The following ADAMDEC1 variants were observed in gnomAD, a reference collection of about 807,000 sequenced individuals.
ADAMDEC1 encodes ADAM like decysin 1, also known as ADAM DEC1.
Under a neutral mutation model 60.4 loss-of-function variants are expected in ADAMDEC1, and 62 were observed. The ratio of observed to expected loss-of-function variants is 1.03; its 90% CI spans 0.84 to 1.27. The LOEUF is 1.27. ADAMDEC1 is among the 50% of genes most tolerant of loss of function. ADAMDEC1 has a pLI of 0.00. For synonymous variants in ADAMDEC1, 210 were observed against 195.1 expected, an observed-to-expected ratio of 1.08 and a Z score of -0.64; for missense variants, 595 against 565.0, an observed-to-expected ratio of 1.05 and a Z score of -0.54.
chr8:24,401,780 A>C, intron 11 of ADAMDEC1, 135 bp from the exon 12 acceptor site: 1 of 771,284 alleles, frequency 1.3e-6, no homozygotes, highest in South Asian at 2.1e-5. Context: ...ATGGTTGCCA[A>C]ATTTGGAATT....
At chr8:24,397,961 T>C (rs1817659390) in intron 7 of ADAMDEC1, among the ~76,000 whole-genome samples, 1 of 152,046 alleles carries the variant, frequency 6.6e-6, no homozygotes. Context: ...ATATACTTAA[T>C]ACCAGATAGC....
Position 24,399,401 on chromosome 8 carries a change from G to C in ADAMDEC1, c.938G>C (p.Ser313Thr), listed in dbSNP as rs1204628674. Residue 313 changes from serine to threonine, a missense_variant, in exon 10 of 14, where the codon AGC becomes ACC. Coordinates refer to ENST00000256412, the MANE Select transcript of ADAMDEC1 (RefSeq NM_014479.3). The stretch of plus-strand genomic sequence containing the variant: ...TGTAACTTTTCATACAGCGGGATTA[G>C]CTTCAACAATCGACGTGTGGGACTG... ...HDHAQLLSGI[S>T]FNNRRVGLAA... 6.8e-6 allele frequency: 11 copies of C among 1,613,796 alleles called. No homozygotes were observed. Among genetic ancestry groups the C allele is most frequent in the Non-Finnish European group, 9.3e-6 (11 of 1,179,778 alleles).
chr8:24,404,209 G>A lies in ADAMDEC1; in HGVS notation c.1406+121G>A, dbSNP rs142114618. 150 of 848,148 alleles carry A rather than the reference G, an allele frequency of 1.8e-4. No homozygotes were observed. The African/African-American group carries it at 2.3e-3, about 13-fold the overall frequency. The allele number at this position is 848,148 out of a possible 1,614,324, so 52.5% of individuals were successfully genotyped here. A position where few individuals can be genotyped will look rare whatever the true frequency, so the allele number is the denominator to read the frequency against. On this transcript the variant is annotated intron_variant, in intron 13 of 13. Transcript: ENST00000256412. ...ACAATGTATTTTATATTTTTCAAAC[G>A]ACTCAATTTTGGAGAGGAAAACTAG... is the stretch of plus-strand genomic sequence containing the variant.
Position 24,384,460 on chromosome 8 carries a change from G to C in ADAMDEC1, c.-45G>C, listed in dbSNP as rs10087305. On this transcript the variant is annotated 5_prime_UTR_variant, in exon 1 of 14. Transcript: ENST00000256412. ...AATTTTCTTGTTCAACTTCTAAAGA[G>C]AAATTGGAGAAGATAAAACTGGACA... 0.14 allele frequency: 201,656 copies of C among 1,465,818 alleles called. 15,878 individuals carry two copies. The highest frequency in any genetic ancestry group is 0.39 in the East Asian group (15,934 of 40,968). The allele number at this position is 1,465,818 out of a possible 1,614,324, so 90.8% of individuals were successfully genotyped here.
Position 24,392,806 on chromosome 8 carries a change from T to C in ADAMDEC1, c.207+426T>C, listed in dbSNP as rs188659281. On this transcript the variant is annotated intron_variant, in intron 2 of 13. Coordinates refer to ENST00000256412, the MANE Select transcript of ADAMDEC1 (RefSeq NM_014479.3). ...ATAATATTTTATTACTGATTAAAGA[T>C]ACCAATTCTTTGACTATTACATTGT... Among the ~76,000 whole-genome samples the C allele has an allele frequency of 2.7e-3, 412 of 151,138 alleles. 1 individual carries two copies. The highest frequency in any genetic ancestry group is 9.8e-3 in the African/African-American group (404 of 41,394).
At position 24,384,578 on chromosome 8, in the gene ADAMDEC1, T is replaced by G. The variant is rs576934138; in HGVS notation, c.74T>G (p.Ile25Ser). Residue 25 changes from isoleucine to serine, a missense_variant, in exon 1 of 14, where the codon ATT becomes AGT. Transcript: ENST00000256412. The stretch of plus-strand genomic sequence containing the variant: ...GTCCTGCTGCCTGTACTTTGGCTCA[T>G]TGTTCAAACTCAAGGTACGTACCAT... ...SWVLLPVLWL[I>S]VQTQAIAIKQ... The G allele has an allele frequency of 6.2e-7, 1 of 1,610,814 alleles. No individual in the cohort carries two copies. The highest frequency in any genetic ancestry group is 1.7e-5 in the Admixed American group (1 of 59,592).
chr8:24,402,612 A>C (rs1585816696), intron 12 of ADAMDEC1, among the ~76,000 whole-genome samples: 1 of 152,144 alleles, frequency 6.6e-6, no homozygotes, highest in East Asian at 1.9e-4. Flanking sequence ...TATAAATTAG[A>C]CTCCTTCAAG....
At chr8:24,385,825 T>C (rs73545038) in intron 1 of ADAMDEC1, among the ~76,000 whole-genome samples, 3,639 of 152,232 alleles carry the variant, frequency 0.024, 134 homozygotes, top group African/African-American at 0.082. Context: ...AATTGCATTA[T>C]TAAACAAAAG....
chr8:24,387,851 G>C (rs1263573856), intron 1 of ADAMDEC1: 1 of 152,180 alleles, frequency 6.6e-6, no homozygotes, highest in African/African-American at 2.4e-5. Flanking sequence ...GCAGACGCTG[G>C]CAGATGGATG....
chr8:24,384,511 C>T lies in ADAMDEC1; in HGVS notation c.7C>T (p.Arg3Cys), dbSNP rs763617875. The T allele has an allele frequency of 2.5e-5, 40 of 1,606,748 alleles. No homozygotes were observed. Among genetic ancestry groups the T allele is most frequent in the Non-Finnish European group, 3.2e-5 (38 of 1,176,234 alleles). ...CTGGGGAGACCACAACTTCATGCTG[C>T]GTGGGATCTCCCAGCTACCTGCAGT... ML[R>C]GISQLPAVAT... Residue 3 changes from arginine (R) to cysteine (C), a missense_variant, in exon 1 of 14, where the codon CGT (arginine) becomes TGT (cysteine). Coordinates refer to ENST00000256412, the MANE Select transcript of ADAMDEC1 (RefSeq NM_014479.3).
intron 1 of ADAMDEC1, chr8:24,388,067 A>G (rs1283191616): frequency 6.6e-6 from 1 of 152,504 alleles, no homozygotes; most frequent in Admixed American, 6.6e-5. Context: ...GCGGATGATC[A>G]AAGGTCAGTT....
chr8:24,390,318 A>G, intron 1 of ADAMDEC1: 1 of 547,150 alleles, frequency 1.8e-6, no homozygotes, highest in Non-Finnish European at 2.7e-6. Context: ...CATAGTTAAA[A>G]TAAGAGTATA....
Position 24,399,412 on chromosome 8 carries a change from C to A in ADAMDEC1, c.949C>A (p.Arg317=), listed in dbSNP as rs1434377951. 6.2e-7 allele frequency: 1 copy of A among 1,613,846 alleles called. No homozygotes were observed. The highest frequency in any genetic ancestry group is 8.5e-7 in the Non-Finnish European group (1 of 1,179,858). Residue 317 remains arginine (R), a synonymous_variant, in exon 10 of 14, where the codon CGA becomes AGA. Transcript: ENST00000256412. ...ATACAGCGGGATTAGCTTCAACAAT[C>A]GACGTGTGGGACTGGCAGCTTCAAA... ...QLLSGISFNN[R]RVGLAASNSL... is the part of the protein sequence containing the mutation.
At chr8:24,393,193 T>C in intron 2 of ADAMDEC1, 69 bp from the exon 3 acceptor site, 1 of 947,544 alleles carries the variant, frequency 1.1e-6, no homozygotes, top group Non-Finnish European at 1.6e-6. Flanking sequence ...TTCTAATACA[T>C]ACTACATATA....
Position 24,384,308 on chromosome 8 carries a change from T to C in ADAMDEC1, c.-197T>C, listed in dbSNP as rs1189401997. 1.1e-5 allele frequency: 6 copies of C among 565,060 alleles called. No homozygotes were observed. Among genetic ancestry groups the C allele is most frequent in the Non-Finnish European group, 1.9e-5 (6 of 320,826 alleles). 35.0% of individuals were successfully genotyped at this position (565,060 alleles called of 1,614,324 possible). ...CCAGATGTGAGTCCTCAATGAGCTA[T>C]AACCACAGCCATAAATATCTCTCAA... is the stretch of plus-strand genomic sequence containing the variant. On this transcript the variant is annotated 5_prime_UTR_variant, in exon 1 of 14. Coordinates refer to ENST00000256412, the MANE Select transcript of ADAMDEC1 (RefSeq NM_014479.3).
intron 5 of ADAMDEC1, 139 bp from the exon 6 acceptor site, chr8:24,397,131 C>T: frequency 1.6e-6 from 1 of 636,510 alleles, no homozygotes; most frequent in Non-Finnish European, 2.5e-6. Flanking sequence ...CTTACATTAC[C>T]AGAAGTTAGC....
intron 12 of ADAMDEC1, among the ~76,000 whole-genome samples, chr8:24,402,870 C>T (rs1421505544): frequency 6.6e-6 from 1 of 152,104 alleles, no homozygotes; most frequent in Non-Finnish European, 1.5e-5. Context: ...ATATTGTAAA[C>T]TTTCTGTTAA....
chr8:24,395,733 A>G lies in ADAMDEC1; in HGVS notation c.377A>G (p.Tyr126Cys), dbSNP rs376374080. The change falls in exon 5 of 14, where the codon TAT (tyrosine) becomes TGT (cysteine). Residue 126 changes from tyrosine (Y) to cysteine (C), a missense_variant. By Grantham distance (194) the Tyr-to-Cys change is radical. Coordinates refer to ENST00000256412, the MANE Select transcript of ADAMDEC1 (RefSeq NM_014479.3). ...TKPENMEHCY[Y>C]KGNILNEKNS... is the part of the protein sequence containing the mutation. ...TTTCCACTCCAGGAACACTGTTACT[A>G]TAAAGGAAACATCCTAAATGAAAAG... The G allele has an allele frequency of 1.5e-5, 25 of 1,613,184 alleles. No homozygotes were observed. Among genetic ancestry groups the G allele is most frequent in the Non-Finnish European group, 2.5e-6 (3 of 1,179,568 alleles).
At chr8:24,388,854 G>T (rs1817365459) in intron 1 of ADAMDEC1, among the ~76,000 whole-genome samples, 2 of 152,150 alleles carry the variant, frequency 1.3e-5, no homozygotes, top group Non-Finnish European at 2.9e-5. Context: ...AAAAGATCCA[G>T]TTTCTTAGAA....
Sources: allele counts gnomAD v4.1 joint callset (sites outside exome capture counted in the v4.1 genomes callset), GRCh38; gene constraint gnomAD v4.1.1; transcripts MANE v1.5; gene names NCBI Gene and HGNC (gene_info 2026-07-23, HGNC 2026-07-21).